Variants in RBM25 observed in about 807,000 individuals in gnomAD.
RBM25 encodes RNA binding motif protein 25, also known as RNA-binding protein 25.
A neutral mutation model predicts 120.7 loss-of-function variants in RBM25; 19 were observed. The ratio of observed to expected loss-of-function variants is 0.16; its 90% CI spans 0.11 to 0.23. The LOEUF (loss-of-function observed/expected upper bound fraction) is 0.23, where lower values mean the gene tolerates loss of function less well. RBM25 is among the 10% of genes least tolerant of loss of function. RBM25 has a pLI of 1.00. For synonymous variants in RBM25, 390 were observed against 326.7 expected (o/e 1.19, Z -2.09); for missense variants, 605 against 1,041.5 (o/e 0.58, Z 5.77).
chr14:73,076,489 G>A lies in RBM25; in HGVS notation c.156+121G>A, dbSNP rs372939628. On this transcript the variant is annotated intron_variant, in intron 3 of 18. Transcript: ENST00000261973. Reference sequence around the variant, plus strand: ...AAAGAATAACAAGGACAGAATGACAGCACCCCTGTAGAGCATATCATTTAT... The same window carrying A: ...AAAGAATAACAAGGACAGAATGACAACACCCCTGTAGAGCATATCATTTAT... The A allele has an allele frequency of 2.0e-4, 170 of 860,424 alleles. 1 individual carries two copies. In the East Asian group the frequency reaches 4.1e-3, roughly 21 times the overall value. 53.3% of individuals were successfully genotyped at this position (860,424 alleles called of 1,614,324 possible). A position where few individuals can be genotyped will look rare whatever the true frequency, so the allele number is the denominator to read the frequency against.
chr14:73,082,094 G>GT (rs1301899683), intron 4 of RBM25, among the ~76,000 whole-genome samples: 1 of 152,202 alleles, frequency 6.6e-6, no homozygotes, highest in Non-Finnish European at 1.5e-5. Context: ...TGACCTATGT[G>GT]TTTTTGATTT....
intron 1 of RBM25, chr14:73,068,056 A>AGCGT (rs954520514): frequency 3.0e-5 from 15 of 498,462 alleles, no homozygotes; most frequent in African/African-American, 1.7e-4. Context: ...ACACTGGTTT[A>AGCGT]GCGTGAGCAG....
intron 6 of RBM25, 58 bp from the exon 7 acceptor site, chr14:73,096,857 G>A: frequency 1.4e-6 from 2 of 1,441,784 alleles, no homozygotes; most frequent in South Asian, 1.2e-5. Flanking sequence ...TTGTTGTAGA[G>A]TGATTTTGAT....
intron 4 of RBM25, among the ~76,000 whole-genome samples, chr14:73,080,774 G>T (rs1895541344): frequency 6.6e-6 from 1 of 151,528 alleles, no homozygotes; most frequent in African/African-American, 2.4e-5. Context: ...GCAGAACTAG[G>T]TTATGTGCTA....
At chr14:73,085,778 T>C (rs1211341948) in intron 5 of RBM25, among the ~76,000 whole-genome samples, 2 of 152,186 alleles carry the variant, frequency 1.3e-5, no homozygotes, top group Admixed American at 6.5e-5. Context: ...ATAGGCAGGA[T>C]AGATGCACTG....
At chr14:73,103,096 T>A in intron 9 of RBM25, 96 bp from the exon 10 acceptor site, 1 of 1,520,380 alleles carries the variant, frequency 6.6e-7, no homozygotes, top group Non-Finnish European at 8.8e-7. Flanking sequence ...ATCAGTGGTT[T>A]GGTGTTTTTG....
At chr14:73,110,770 A>G (rs1896294964) in intron 14 of RBM25, 61 bp from the exon 15 acceptor site, 1 of 1,532,092 alleles carries the variant, frequency 6.5e-7, no homozygotes, top group African/African-American at 1.4e-5. Flanking sequence ...GGTAATGTAA[A>G]ACAAAAATCA....
intron 1 of RBM25, among the ~76,000 whole-genome samples, chr14:73,066,466 G>A (rs762770477): frequency 2.0e-5 from 3 of 151,950 alleles, no homozygotes; most frequent in Non-Finnish European, 4.4e-5. Context: ...GTGAAACCCC[G>A]TCTCTACTAA....
chr14:73,097,518 A>G (rs189148399), intron 7 of RBM25, among the ~76,000 whole-genome samples: 97 of 152,096 alleles, frequency 6.4e-4, no homozygotes, highest in African/African-American at 2.1e-3. Context: ...ACTTTTTTAC[A>G]GAGACAAGGT....
At chr14:73,064,049 C>T (rs1019614096) in intron 1 of RBM25, among the ~76,000 whole-genome samples, 4 of 151,324 alleles carry the variant, frequency 2.6e-5, no homozygotes, top group African/African-American at 9.7e-5. Context: ...ATGAATAGGG[C>T]TTCCTGCCTC....
intron 1 of RBM25, among the ~76,000 whole-genome samples, chr14:73,065,894 A>G (rs1460424743): frequency 6.6e-6 from 1 of 151,560 alleles, no homozygotes; most frequent in Non-Finnish European, 1.5e-5. Flanking sequence ...ATCTAATATT[A>G]TTGGGGGAAA....
intron 12 of RBM25, 70 bp from the exon 13 acceptor site, chr14:73,107,756 C>G: frequency 8.6e-7 from 1 of 1,165,616 alleles, no homozygotes. Context: ...AATCTGTTTA[C>G]ACAAAAAAGG....
chr14:73,094,260 TTTG>T (rs1177756582), intron 6 of RBM25, among the ~76,000 whole-genome samples: 5 of 151,502 alleles, frequency 3.3e-5, no homozygotes, highest in African/African-American at 7.3e-5. Flanking sequence ...GCCTAGGTTT[TTTG>T]TTGTTGTTGT....
chr14:73,074,474 TG>T (rs1420278008), intron 2 of RBM25, among the ~76,000 whole-genome samples: 1 of 152,098 alleles, frequency 6.6e-6, no homozygotes, highest in Non-Finnish European at 1.5e-5. Context: ...GGCTCATACC[TG>T]TAATCCCATC....
At chr14:73,095,448 A>C (rs998039733) in intron 6 of RBM25, among the ~76,000 whole-genome samples, 1 of 151,680 alleles carries the variant, frequency 6.6e-6, no homozygotes, top group Non-Finnish European at 1.5e-5. Flanking sequence ...TACTAAAAAT[A>C]CAAAAAAATT....
In RBM25 at chr14:73,109,384, A is replaced by G; in HGVS notation, c.1584A>G (p.Glu528=). ...LQKRLRDREK[E]MEADERDRKR... ...AAAGGTTGCGTGATAGAGAAAAGGA[A>G]ATGGAAGCAGATGAACGAGATAGGA... Residue 528 remains glutamate, a synonymous_variant, in exon 14 of 19, where the codon GAA becomes GAG. Transcript: ENST00000261973. The G allele has an allele frequency of 6.2e-7, 1 of 1,614,144 alleles. No homozygotes were observed. Among genetic ancestry groups the G allele is most frequent in the South Asian group, 1.1e-5 (1 of 91,084 alleles).
chr14:73,099,280 T>A, intron 7 of RBM25, 100 bp from the exon 8 acceptor site: 1 of 1,027,042 alleles, frequency 9.7e-7, no homozygotes. Context: ...AGAAGTGTAC[T>A]GTATTGTTCA....
At chr14:73,077,863 TCA>T (rs1417745665) in intron 4 of RBM25, among the ~76,000 whole-genome samples, 1 of 152,220 alleles carries the variant, frequency 6.6e-6, no homozygotes, top group Non-Finnish European at 1.5e-5. Flanking sequence ...AATGCCACTA[TCA>T]CACATGAAAT....
chr14:73,116,248 G>A (rs1260573812), intron 18 of RBM25, among the ~76,000 whole-genome samples: 2 of 152,140 alleles, frequency 1.3e-5, no homozygotes, highest in African/African-American at 4.8e-5. Flanking sequence ...AAATGGAATA[G>A]CGGTCCAAAG....
Sources: allele counts gnomAD v4.1 joint callset (sites outside exome capture counted in the v4.1 genomes callset), GRCh38; gene constraint gnomAD v4.1.1; transcripts MANE v1.5; gene names NCBI Gene and HGNC (gene_info 2026-07-23, HGNC 2026-07-21).